The following LRMDA variants were observed in gnomAD, a reference collection of about 807,000 sequenced individuals.
The protein encoded by LRMDA is leucine rich melanocyte differentiation associated.
Under a neutral mutation model 29.8 loss-of-function variants are expected in LRMDA, and 18 were observed. The ratio of observed to expected loss-of-function variants is 0.60; its 90% CI spans 0.42 to 0.90. The LOEUF is 0.90. Among genes scored for constraint, LRMDA ranks in the 40% least tolerant of loss-of-function variants. The pLI is 0.00. For missense variants in LRMDA, 273 were observed against 273.9 expected (o/e 1.00, Z 0.02); for synonymous variants, 125 against 109.4 (o/e 1.14, Z -0.89).
intron 2 of LRMDA, among the ~76,000 whole-genome samples, chr10:75,978,675 C>T (rs1234465101): frequency 6.6e-6 from 1 of 152,076 alleles, no homozygotes; most frequent in Non-Finnish European, 1.5e-5. Context: ...TGAAGGAATT[C>T]CCAGGTACAT....
At chr10:75,810,753 C>T (rs1201580008) in intron 2 of LRMDA, among the ~76,000 whole-genome samples, 1 of 152,134 alleles carries the variant, frequency 6.6e-6, no homozygotes. Context: ...GCCTTTGCAA[C>T]CTCTAAGTGA....
intron 5 of LRMDA, among the ~76,000 whole-genome samples, chr10:76,076,211 C>T (rs982570561): frequency 2.6e-5 from 4 of 151,652 alleles, no homozygotes; most frequent in South Asian, 2.1e-4. Flanking sequence ...GACGTGGTGG[C>T]GGGTGCCTGT....
chr10:75,990,139 G>C (rs1285423031), intron 2 of LRMDA, among the ~76,000 whole-genome samples: 1 of 152,236 alleles, frequency 6.6e-6, no homozygotes, highest in Non-Finnish European at 1.5e-5. Context: ...TGTAGGGCTA[G>C]AGCCTTTGAT....
chr10:75,947,672 T>C (rs1272825539), intron 2 of LRMDA, among the ~76,000 whole-genome samples: 1 of 152,222 alleles, frequency 6.6e-6, no homozygotes, highest in African/African-American at 2.4e-5. Flanking sequence ...ATTTTCTTCA[T>C]GATTTGTGAA....
At chr10:75,497,639 C>CT (rs796652882) in intron 2 of LRMDA, among the ~76,000 whole-genome samples, 68 of 146,198 alleles carry the variant, frequency 4.7e-4, no homozygotes, top group African/African-American at 7.5e-4. Flanking sequence ...GGCAATTGCT[C>CT]TTTTTTTTTT....
rs138333258 is a variant in LRMDA at position 75,787,681 on chromosome 10, T to C, written c.132-248327T>C. On this transcript the variant is annotated intron_variant, in intron 2 of 6. Coordinates refer to ENST00000611255, the MANE Select transcript of LRMDA (RefSeq NM_001305581.2). ...TTTTTATTATAACAGATACAAGTAATAGAGATGTTGTAGCAAAGTCTGAAG... is the reference window on the plus strand; with the variant it reads ...TTTTTATTATAACAGATACAAGTAACAGAGATGTTGTAGCAAAGTCTGAAG... 4.7e-3 allele frequency among the ~76,000 whole-genome samples: 714 copies of C among 152,304 alleles called. 10 individuals are homozygous for C. The highest frequency in any genetic ancestry group is 0.016 in the African/African-American group (681 of 41,576).
chr10:75,520,816 G>T (rs1166286141), intron 2 of LRMDA, among the ~76,000 whole-genome samples: 1 of 152,194 alleles, frequency 6.6e-6, no homozygotes, highest in African/African-American at 2.4e-5. Context: ...CATCTTTATG[G>T]TTTTATCTAC....
At chr10:76,304,405 C>T (rs143487515) in intron 5 of LRMDA, among the ~76,000 whole-genome samples, 1 of 152,294 alleles carries the variant, frequency 6.6e-6, no homozygotes, top group East Asian at 1.9e-4. Flanking sequence ...TTGGCAGAAG[C>T]GCACCTTAAA....
In LRMDA at chr10:75,679,514, ATCTCCT is replaced by A. The variant is rs541154688; in HGVS notation, c.131+241026_131+241031del. Among the ~76,000 whole-genome samples, 7 of 152,166 alleles carry A rather than the reference ATCTCCT, an allele frequency of 4.6e-5. No homozygotes were observed. The South Asian group carries it at 1.5e-3, about 32-fold the overall frequency. On this transcript the variant is annotated intron_variant, in intron 2 of 6. Coordinates refer to ENST00000611255, the MANE Select transcript of LRMDA (RefSeq NM_001305581.2). The stretch of plus-strand genomic sequence containing the variant: ...TGTAAAAGTCATGAAGGTTCTCTGG[ATCTCCT>A]TCTCCATCGGTATTATTCTGGGGCT...
At chr10:76,540,255 C>G (rs1367482386) in intron 6 of LRMDA, among the ~76,000 whole-genome samples, 1 of 152,164 alleles carries the variant, frequency 6.6e-6, no homozygotes, top group Non-Finnish European at 1.5e-5. Flanking sequence ...TTTCCATCTC[C>G]CAATTCATTC....
intron 6 of LRMDA, among the ~76,000 whole-genome samples, chr10:76,503,388 G>A (rs1222050552): frequency 6.6e-6 from 1 of 151,788 alleles, no homozygotes; most frequent in Non-Finnish European, 1.5e-5. Flanking sequence ...AATAGTTTCA[G>A]TAGGATTGGT....
At chr10:76,464,866 T>C (rs1467277497) in intron 6 of LRMDA, 1 of 152,156 alleles carries the variant, frequency 6.6e-6, no homozygotes, top group Non-Finnish European at 1.5e-5. Context: ...TATATGATCA[T>C]CTCGTGGAGG....
At chr10:76,096,169 G>T (rs1222556453) in intron 5 of LRMDA, among the ~76,000 whole-genome samples, 1 of 151,980 alleles carries the variant, frequency 6.6e-6, no homozygotes, top group African/African-American at 2.4e-5. Flanking sequence ...CATAGTTTTG[G>T]TAGCGTATCT....
At chr10:75,817,805 A>C (rs1222707522) in intron 2 of LRMDA, among the ~76,000 whole-genome samples, 1 of 152,226 alleles carries the variant, frequency 6.6e-6, no homozygotes, top group Non-Finnish European at 1.5e-5. Context: ...TTTAGGTAGA[A>C]TATTATTTGC....
chr10:75,599,521 C>G (rs1840852915), intron 2 of LRMDA, among the ~76,000 whole-genome samples: 1 of 152,088 alleles, frequency 6.6e-6, no homozygotes, highest in Non-Finnish European at 1.5e-5. Flanking sequence ...GGAGGATGGT[C>G]TTATGGTGAG....
At chr10:75,830,437 G>T (rs760728048) in intron 2 of LRMDA, among the ~76,000 whole-genome samples, 11 of 152,190 alleles carry the variant, frequency 7.2e-5, no homozygotes, top group African/African-American at 2.4e-4. Context: ...ATGTACAAAA[G>T]AAATAGGTTT....
intron 2 of LRMDA, among the ~76,000 whole-genome samples, chr10:75,991,658 G>A (rs934689422): frequency 6.6e-6 from 1 of 152,214 alleles, no homozygotes; most frequent in Non-Finnish European, 1.5e-5. Context: ...CGTGACTGAT[G>A]AGTGGTACCT....
intron 6 of LRMDA, among the ~76,000 whole-genome samples, chr10:76,534,176 A>C (rs933163791): frequency 3.3e-5 from 5 of 152,220 alleles, no homozygotes; most frequent in African/African-American, 1.2e-4. Flanking sequence ...ATATTAAGGA[A>C]GAATGTGAAA....
At chr10:75,901,471 G>T (rs1845671747) in intron 2 of LRMDA, among the ~76,000 whole-genome samples, 1 of 152,218 alleles carries the variant, frequency 6.6e-6, no homozygotes, top group African/African-American at 2.4e-5. Context: ...GAAGACATGT[G>T]TGTGTCTTTG....
Sources: gnomAD v4.1 joint callset for allele counts (sites outside exome capture counted in the v4.1 genomes callset) on GRCh38, gnomAD v4.1.1 for gene constraint, MANE v1.5 for transcripts, NCBI Gene and HGNC (gene_info 2026-07-23, HGNC 2026-07-21) for gene names.